RB1: variants seen among roughly 807,000 people sequenced by gnomAD.
RB1 encodes retinoblastoma-associated protein.
RB1 carries 18 observed loss-of-function variants against 135.4 expected under a neutral mutation model. That is an observed-to-expected ratio of 0.13 (90% CI 0.09 to 0.20). The LOEUF (loss-of-function observed/expected upper bound fraction) is 0.20. RB1 is among the 10% of genes least tolerant of loss of function. The pLI is 1.00. For synonymous variants in RB1, 365 were observed against 373.2 expected, an observed-to-expected ratio of 0.98 and a Z score of 0.25; for missense variants, 868 against 1,110.0, an observed-to-expected ratio of 0.78 and a Z score of 3.10.
chr13:48,421,619 C>A (rs1949006009), intron 17 of RB1, among the ~76,000 whole-genome samples: 1 of 152,156 alleles, frequency 6.6e-6, no homozygotes, highest in Non-Finnish European at 1.5e-5. Context: ...ATCTATCCAT[C>A]TGACAAAGGG....
At chr13:48,318,332 C>T (rs1952203766) in intron 2 of RB1, 2 of 1,376,036 alleles carry the variant, frequency 1.5e-6, no homozygotes, top group Non-Finnish European at 2.0e-6. Flanking sequence ...ACCTGACCTT[C>T]CTGCACGCAG....
chr13:48,342,611 C>A lies in RB1; in HGVS notation c.277C>A (p.Gln93Lys). Residue 93 changes from glutamine (Q) to lysine (K), a missense_variant, in exon 3 of 27, where the codon CAA becomes AAA. Coordinates refer to ENST00000267163, the MANE Select transcript of RB1 (RefSeq NM_000321.3). Reference sequence around the variant, plus strand: ...TTTTTGTTCCCAGGGAGGTTATATTCAAAAGAAAAAGGAACTGTGGGGAAT... The same window carrying A: ...TTTTTGTTCCCAGGGAGGTTATATTAAAAAGAAAAAGGAACTGTGGGGAAT... ...SVDGVLGGYIQKKKELWGICI... is the reference protein window; with the variant it reads ...SVDGVLGGYIKKKKELWGICI... 1 of 1,605,050 alleles carries A rather than the reference C, an allele frequency of 6.2e-7. No individual in the cohort carries two copies. The highest frequency in any genetic ancestry group is 8.5e-7 in the Non-Finnish European group (1 of 1,172,414).
At chr13:48,380,759 G>T (rs1593456668) in intron 16 of RB1, among the ~76,000 whole-genome samples, 1 of 152,110 alleles carries the variant, frequency 6.6e-6, no homozygotes, top group South Asian at 2.1e-4. Flanking sequence ...TTTGTATAAG[G>T]ATGCAAAACA....
chr13:48,434,465 C>T (rs1016401664), intron 17 of RB1, among the ~76,000 whole-genome samples: 3 of 152,052 alleles, frequency 2.0e-5, no homozygotes, highest in Middle Eastern at 3.2e-3. Context: ...GCCTAAGACT[C>T]CTAAGATTCC....
intron 21 of RB1, 109 bp from the exon 22 acceptor site, chr13:48,464,889 T>C: frequency 1.6e-6 from 2 of 1,243,852 alleles, no homozygotes; most frequent in Non-Finnish European, 2.2e-6. Context: ...AGTCAAAAAG[T>C]ATTATAAACT....
At chr13:48,314,825 A>G (rs1057382594) in intron 2 of RB1, among the ~76,000 whole-genome samples, 27 of 152,248 alleles carry the variant, frequency 1.8e-4, no homozygotes, top group African/African-American at 6.0e-4. Flanking sequence ...TTTAACAAAA[A>G]TCTCTAATAC....
intron 17 of RB1, among the ~76,000 whole-genome samples, chr13:48,395,852 C>T (rs1948643840): frequency 6.6e-6 from 1 of 152,016 alleles, no homozygotes; most frequent in Admixed American, 6.6e-5. Flanking sequence ...ACAAAACAGG[C>T]CAACATTCAA....
At chr13:48,466,217 G>C (rs527456873) in intron 23 of RB1, among the ~76,000 whole-genome samples, 5 of 76,994 alleles carry the variant, frequency 6.5e-5, no homozygotes, top group Non-Finnish European at 1.2e-4. Context: ...ATCTGAGAAC[G>C]GGCAGACTGC....
intron 2 of RB1, chr13:48,317,715 C>T (rs971873741): frequency 1.9e-6 from 1 of 516,934 alleles, no homozygotes; most frequent in South Asian, 2.4e-5. Context: ...CAGCGGGGAG[C>T]CCCTTCCTGC....
At chr13:48,336,130 A>G (rs1352401557) in intron 2 of RB1, among the ~76,000 whole-genome samples, 1 of 152,000 alleles carries the variant, frequency 6.6e-6, no homozygotes, top group African/African-American at 2.4e-5. Flanking sequence ...CATCAGGGAC[A>G]TCAGTCTAAA....
At chr13:48,418,033 C>G (rs185828791) in intron 17 of RB1, among the ~76,000 whole-genome samples, 11 of 152,236 alleles carry the variant, frequency 7.2e-5, no homozygotes, top group African/African-American at 2.6e-4. Context: ...ACAGAGAACA[C>G]CACAAAGATA....
At chr13:48,359,858 G>A (rs1409924719) in intron 6 of RB1, among the ~76,000 whole-genome samples, 159 bp from the exon 7 acceptor site, 2 of 148,818 alleles carry the variant, frequency 1.3e-5, no homozygotes, top group Admixed American at 6.7e-5. Context: ...TTTTAAAACA[G>A]ATTTTTTTTT....
At chr13:48,320,262 C>A in intron 2 of RB1, 1 of 1,177,884 alleles carries the variant, frequency 8.5e-7, no homozygotes. Flanking sequence ...CCCTGTGGCC[C>A]CTCTGTGCAG....
intron 4 of RB1, 93 bp from the exon 5 acceptor site, chr13:48,347,732 C>A: frequency 3.5e-6 from 3 of 854,248 alleles, no homozygotes; most frequent in Non-Finnish European, 5.6e-6. Flanking sequence ...AAAATATATA[C>A]TTCTTAAAAG....
intron 12 of RB1, among the ~76,000 whole-genome samples, chr13:48,374,856 T>C (rs958241959): frequency 1.3e-5 from 2 of 152,120 alleles, no homozygotes; most frequent in African/African-American, 4.8e-5. Context: ...CAACCCTCGC[T>C]CTCTTCCTTC....
intron 11 of RB1, among the ~76,000 whole-genome samples, chr13:48,371,012 A>C (rs4151509): frequency 6.6e-6 from 1 of 152,194 alleles, no homozygotes; most frequent in Non-Finnish European, 1.5e-5. Flanking sequence ...CCAAACATCT[A>C]TTTCACAATA....
At position 48,453,188 on chromosome 13, in the gene RB1, A is replaced by G. The variant is rs1037082628; in HGVS notation, c.1814+77A>G. On this transcript the variant is annotated intron_variant, in intron 18 of 26. Transcript: ENST00000267163. ...GCATAAGTGCAATGTAACATTCTATAAAGAAACTGTAGGGAATAGAATTTT... is the reference window on the plus strand; with the variant it reads ...GCATAAGTGCAATGTAACATTCTATGAAGAAACTGTAGGGAATAGAATTTT... 15 of 1,357,582 alleles carry G rather than the reference A, an allele frequency of 1.1e-5. No homozygotes were observed. In the Admixed American group the frequency reaches 2.0e-4, roughly 18 times the overall value. 84.1% of individuals were successfully genotyped at this position (1,357,582 alleles called of 1,614,324 possible). A position where few individuals can be genotyped will look rare whatever the true frequency, so the allele number is the denominator to read the frequency against.
chr13:48,379,933 C>T, intron 14 of RB1, 120 bp from the exon 15 acceptor site: 1 of 879,250 alleles, frequency 1.1e-6, no homozygotes, highest in Non-Finnish European at 1.6e-6. Context: ...TCACCCCAGC[C>T]TGGCAACAGA....
chr13:48,392,773 TTA>T (rs2138162819), intron 17 of RB1, among the ~76,000 whole-genome samples: 1 of 152,074 alleles, frequency 6.6e-6, no homozygotes, highest in South Asian at 2.1e-4. Flanking sequence ...TCTCTTTTTT[TTA>T]AGAGTCGTAT....
Sources: gnomAD v4.1 joint callset for allele counts (sites outside exome capture counted in the v4.1 genomes callset) on GRCh38, gnomAD v4.1.1 for gene constraint, MANE v1.5 for transcripts, NCBI Gene and HGNC (gene_info 2026-07-23, HGNC 2026-07-21) for gene names.